The following MRM1 variants were observed in gnomAD, a reference collection of about 807,000 sequenced individuals.
MRM1 encodes the protein mitochondrial rRNA methyltransferase 1.
MRM1 carries 24 observed loss-of-function variants against 25.0 expected under a neutral mutation model. The ratio of observed to expected loss-of-function variants is 0.96; its 90% CI spans 0.69 to 1.35. The LOEUF (loss-of-function observed/expected upper bound fraction) is 1.35, where lower values mean the gene tolerates loss of function less well. MRM1 is among the 40% of genes most tolerant of loss of function. The pLI is 0.00. For synonymous variants in MRM1, 188 were observed against 199.2 expected (o/e 0.94, Z 0.47); for missense variants, 431 against 464.1 (o/e 0.93, Z 0.65).
intron 2 of MRM1, among the ~76,000 whole-genome samples, chr17:36,605,711 C>T (rs1161300367): frequency 4.0e-5 from 6 of 151,832 alleles, no homozygotes; most frequent in Non-Finnish European, 8.8e-5. Flanking sequence ...CTTGTTCCTT[C>T]TGGAGCAACT....
chr17:36,607,149 G>A (rs925967863), intron 2 of MRM1, among the ~76,000 whole-genome samples: 2 of 151,796 alleles, frequency 1.3e-5, no homozygotes, highest in Non-Finnish European at 2.9e-5. Flanking sequence ...CCCAACCTCA[G>A]GTGATCCCCC....
At chr17:36,630,133 G>T in the MRM1 span, among the ~76,000 whole-genome samples, 3 of 152,128 alleles carry the variant, frequency 2.0e-5, no homozygotes, top group Non-Finnish European at 4.4e-5. Context: ...GCACACAAAG[G>T]CACTCAGCAC....
chr17:36,626,980 G>C, the MRM1 span, among the ~76,000 whole-genome samples: 1 of 152,208 alleles, frequency 6.6e-6, no homozygotes, highest in Non-Finnish European at 1.5e-5. Context: ...ATCCCCACAT[G>C]CTGCGCATCT....
the MRM1 span, among the ~76,000 whole-genome samples, chr17:36,626,631 G>A: frequency 2.6e-5 from 4 of 152,208 alleles, no homozygotes; most frequent in Admixed American, 2.6e-4. Context: ...AAAGTGCTGG[G>A]ATTAGAGGTG....
At chr17:36,622,764 A>G in the MRM1 span, among the ~76,000 whole-genome samples, 1 of 152,126 alleles carries the variant, frequency 6.6e-6, no homozygotes, top group South Asian at 2.1e-4. Context: ...GGTGCCCTGC[A>G]GGGGTATGGC....
chr17:36,606,240 C>T (rs565025822), intron 2 of MRM1, among the ~76,000 whole-genome samples: 2 of 152,270 alleles, frequency 1.3e-5, no homozygotes, highest in South Asian at 4.1e-4. Context: ...CCCACCTGCC[C>T]TTCCACAAGG....
Position 36,602,011 on chromosome 17 carries a change from C to T in MRM1, c.201C>T (p.Arg67=), listed in dbSNP as rs1482912318. 1.2e-6 allele frequency: 2 copies of T among 1,611,488 alleles called. No homozygotes were observed. Among genetic ancestry groups the T allele is most frequent in the South Asian group, 1.1e-5 (1 of 90,972 alleles). Reference sequence around the variant, plus strand: ...TCCTGGCTCTGCAGGCCGCCCGCCGCTCTGTGGCCCGGCTCCTGCTCCAGG... The same window carrying T: ...TCCTGGCTCTGCAGGCCGCCCGCCGTTCTGTGGCCCGGCTCCTGCTCCAGG... ...PCLLALQAAR[R]SVARLLLQAG... Residue 67 remains arginine, a synonymous_variant, in exon 1 of 5, where the codon CGC becomes CGT. Coordinates refer to ENST00000614766, the MANE Select transcript of MRM1 (RefSeq NM_024864.5). This position sits in a 1 kb window ranked among gnomAD's most constrained non-coding sequence, Gnocchi z 4.1.
intron 2 of MRM1, chr17:36,603,075 A>G (rs2074895124): frequency 2.0e-6 from 2 of 983,964 alleles, no homozygotes; most frequent in Non-Finnish European, 2.4e-6. Flanking sequence ...AACCTTGGAA[A>G]CCCCTCTCCC....
Position 36,602,422 on chromosome 17 carries a change from C to G in MRM1, c.542+70C>G. 6.4e-7 allele frequency: 1 copy of G among 1,561,576 alleles called. No homozygotes were observed. The highest frequency in any genetic ancestry group is 1.2e-5 in the South Asian group (1 of 83,450). On this transcript the variant is annotated intron_variant, in intron 1 of 4. Coordinates refer to ENST00000614766, the MANE Select transcript of MRM1 (RefSeq NM_024864.5). The surrounding 1 kb of genome is among the most constrained non-coding windows in gnomAD (Gnocchi z 4.1). The stretch of plus-strand genomic sequence containing the variant: ...AGCCGAGTTCCTAAGCACCTTGGCC[C>G]TTGGGTGATCCCTTAGCCAGACTTA...
chr17:36,612,074 A>G (rs533690796), downstream of MRM1, among the ~76,000 whole-genome samples: 3 of 152,268 alleles, frequency 2.0e-5, no homozygotes, highest in African/African-American at 7.2e-5. Flanking sequence ...CAAGCCCAAC[A>G]TGGAATTTAG....
Position 36,602,104 on chromosome 17 carries a change from A to T in MRM1, c.294A>T (p.Pro98=), listed in dbSNP as rs145987678. 1 of 1,611,694 alleles carries T rather than the reference A, an allele frequency of 6.2e-7. No homozygotes were observed. The highest frequency in any genetic ancestry group is 1.3e-5 in the African/African-American group (1 of 75,046). The part of the protein sequence containing the change: ...LLRMAEARDI[P]VLRPRRQKLD... ...GGATGGCCGAGGCGCGGGACATTCCAGTTCTGCGGCCCAGACGGCAGAAAC... is the reference window on the plus strand; with the variant it reads ...GGATGGCCGAGGCGCGGGACATTCCTGTTCTGCGGCCCAGACGGCAGAAAC... The change falls in exon 1 of 5, where the codon CCA becomes CCT. Residue 98 remains proline (P), a synonymous_variant. Coordinates refer to ENST00000614766, the MANE Select transcript of MRM1 (RefSeq NM_024864.5). This position sits in a 1 kb window ranked among gnomAD's most constrained non-coding sequence, Gnocchi z 4.1.
intron 2 of MRM1, among the ~76,000 whole-genome samples, chr17:36,603,674 T>G (rs1075218): frequency 0.29 from 44,842 of 152,128 alleles, 8,152 homozygotes; most frequent in Non-Finnish European, 0.41. Context: ...GCTGGGATTA[T>G]AGGCATGAGC....
At chr17:36,628,004 C>T in the MRM1 span, among the ~76,000 whole-genome samples, 4 of 152,226 alleles carry the variant, frequency 2.6e-5, no homozygotes, top group South Asian at 8.3e-4. Flanking sequence ...TCAACAGGGC[C>T]TCCCTAGCTG....
At chr17:36,611,118 A>G (rs2074974568), downstream of MRM1, among the ~76,000 whole-genome samples, 1 of 152,174 alleles carries the variant, frequency 6.6e-6, no homozygotes, top group Non-Finnish European at 1.5e-5. Context: ...CCCAGCCGAT[A>G]TTTCTTAAAG....
chr17:36,615,813 T>C, the MRM1 span, among the ~76,000 whole-genome samples: 1 of 151,808 alleles, frequency 6.6e-6, no homozygotes, highest in Admixed American at 6.6e-5. Flanking sequence ...CTGGTCAACA[T>C]AGTGAAACTT....
chr17:36,605,151 AAAAG>A (rs1470660403), intron 2 of MRM1, among the ~76,000 whole-genome samples: 14 of 145,924 alleles, frequency 9.6e-5, no homozygotes, highest in African/African-American at 3.8e-4. Flanking sequence ...AAAAAAAAAA[AAAAG>A]AGAGAGAGAG....
the MRM1 span, among the ~76,000 whole-genome samples, chr17:36,616,560 C>G: frequency 6.6e-6 from 1 of 152,154 alleles, no homozygotes; most frequent in Non-Finnish European, 1.5e-5. Flanking sequence ...GCCCTGAGGC[C>G]GACACACACT....
At chr17:36,631,363 G>T in the MRM1 span, among the ~76,000 whole-genome samples, 78 of 152,312 alleles carry the variant, frequency 5.1e-4, no homozygotes, top group African/African-American at 1.9e-3. Context: ...AATGATTTGG[G>T]GTACACATGT....
Position 36,607,728 on chromosome 17 carries a change from A to C in MRM1, c.695A>C (p.Asp232Ala), listed in dbSNP as rs1408408583. 1.2e-6 allele frequency: 2 copies of C among 1,614,096 alleles called. No homozygotes were observed. The highest frequency in any genetic ancestry group is 3.3e-5 in the Admixed American group (2 of 60,022). Reference sequence around the variant, plus strand: ...ACGGTGGGCTGCCCAAGCACAGAGGATCCCCAGTCCTCCGAGATCCCCATC... The same window carrying C: ...ACGGTGGGCTGCCCAAGCACAGAGGCTCCCCAGTCCTCCGAGATCCCCATC... ...AGTVGCPSTE[D>A]PQSSEIPIMS... The change falls in exon 3 of 5, where the codon GAT becomes GCT. Residue 232 changes from aspartate to alanine, a missense_variant. Transcript: ENST00000614766.
Sources: gnomAD v4.1 joint callset for allele counts (sites outside exome capture counted in the v4.1 genomes callset) on GRCh38, gnomAD v4.1.1 for gene constraint, Gnocchi (gnomAD v3.1) non-coding constraint, MANE v1.5 for transcripts, NCBI Gene and HGNC (gene_info 2026-07-23, HGNC 2026-07-21) for gene names.